The following SLC25A21 variants were observed in gnomAD, a reference collection of about 807,000 sequenced individuals.
SLC25A21 encodes mitochondrial 2-oxodicarboxylate carrier.
A neutral mutation model predicts 43.8 loss-of-function variants in SLC25A21; 47 were observed. That is an observed-to-expected ratio of 1.07 (90% CI 0.85 to 1.37). SLC25A21 has a LOEUF of 1.37. SLC25A21 is among the 40% of genes most tolerant of loss of function. SLC25A21 has a pLI of 0.00. For synonymous variants in SLC25A21, 131 were observed against 121.3 expected, an observed-to-expected ratio of 1.08 and a Z score of -0.52; for missense variants, 352 against 350.2, an observed-to-expected ratio of 1.00 and a Z score of -0.04.
At chr14:36,782,511 T>A (rs572958535) in intron 3 of SLC25A21, among the ~76,000 whole-genome samples, 11 of 152,330 alleles carry the variant, frequency 7.2e-5, no homozygotes, top group African/African-American at 2.6e-4. Flanking sequence ...CTGGTATTGC[T>A]ATCTTTGCAT....
At chr14:36,891,468 A>G (rs1389155883) in intron 1 of SLC25A21, among the ~76,000 whole-genome samples, 2 of 152,146 alleles carry the variant, frequency 1.3e-5, no homozygotes, top group African/African-American at 4.8e-5. Context: ...CATTTCTATT[A>G]TAACTCTGAT....
chr14:37,063,843 A>T (rs1217785280), intron 1 of SLC25A21, among the ~76,000 whole-genome samples: 2 of 152,174 alleles, frequency 1.3e-5, no homozygotes, highest in Non-Finnish European at 2.9e-5. Flanking sequence ...AAAACACAAA[A>T]TGATCCCACA....
At chr14:37,080,008 C>A (rs1390796333) in intron 1 of SLC25A21, among the ~76,000 whole-genome samples, 1 of 152,130 alleles carries the variant, frequency 6.6e-6, no homozygotes, top group Admixed American at 6.5e-5. Context: ...CTAGAAGCTG[C>A]CATCTATTAG....
intron 1 of SLC25A21, among the ~76,000 whole-genome samples, chr14:37,154,086 C>T (rs1963805269): frequency 6.6e-6 from 1 of 152,102 alleles, no homozygotes; most frequent in Non-Finnish European, 1.5e-5. Context: ...CCTCTAGTAA[C>T]CACAAGTACA....
At chr14:37,007,978 G>A (rs1156293974) in intron 1 of SLC25A21, among the ~76,000 whole-genome samples, 3 of 150,820 alleles carry the variant, frequency 2.0e-5, no homozygotes, top group Non-Finnish European at 4.4e-5. Context: ...AGGTTCAAGC[G>A]ATTCTCCTGC....
chr14:36,813,077 A>C (rs1397089184), intron 3 of SLC25A21, among the ~76,000 whole-genome samples: 2 of 152,138 alleles, frequency 1.3e-5, no homozygotes, highest in East Asian at 3.8e-4. Context: ...ATAGTTAAAA[A>C]AATTTTTTTT....
chr14:36,931,749 CATGG>C (rs1892299716), intron 1 of SLC25A21, among the ~76,000 whole-genome samples: 1 of 88,642 alleles, frequency 1.1e-5, no homozygotes, highest in African/African-American at 4.2e-5. Context: ...GGAGTTAGAA[CATGG>C]AGTTAGAATA....
chr14:37,079,357 C>A lies in SLC25A21; in HGVS notation c.70+92924G>T, dbSNP rs74243657. Among the ~76,000 whole-genome samples, 2,751 of 152,250 alleles carry A rather than the reference C, an allele frequency of 0.018. 198 individuals are homozygous for A. In the East Asian group the frequency reaches 0.26, roughly 14 times the overall value. On this transcript the variant is annotated intron_variant, in intron 1 of 9. Coordinates refer to ENST00000331299, the MANE Select transcript of SLC25A21 (RefSeq NM_030631.4). ...CTCTCACCCCCACCCCCAAGGTTTT[C>A]CCTAATGCTCCTTGTCTTTGGTGTC...
intron 3 of SLC25A21, among the ~76,000 whole-genome samples, chr14:36,741,496 A>T (rs996798503): frequency 6.6e-6 from 1 of 152,180 alleles, no homozygotes; most frequent in Non-Finnish European, 1.5e-5. Flanking sequence ...TTTGCTGCTC[A>T]TGGAAGCTGG....
intron 1 of SLC25A21, among the ~76,000 whole-genome samples, chr14:37,116,177 T>C (rs1321196039): frequency 6.6e-6 from 1 of 152,114 alleles, no homozygotes; most frequent in Non-Finnish European, 1.5e-5. Context: ...ATACATGTTA[T>C]ATGTAAGACA....
chr14:37,138,701 A>ATTAT (rs1202205416), intron 1 of SLC25A21, among the ~76,000 whole-genome samples: 1 of 152,058 alleles, frequency 6.6e-6, no homozygotes, highest in Non-Finnish European at 1.5e-5. Context: ...AATGTTAAAT[A>ATTAT]TTATTTATGA....
intron 3 of SLC25A21, among the ~76,000 whole-genome samples, chr14:36,774,120 T>C (rs1372997036): frequency 6.6e-6 from 1 of 152,220 alleles, no homozygotes; most frequent in Non-Finnish European, 1.5e-5. Flanking sequence ...ACGTCCCCTT[T>C]TACCATTTAT....
chr14:37,171,029 C>G (rs1964116401), intron 1 of SLC25A21, among the ~76,000 whole-genome samples: 1 of 149,070 alleles, frequency 6.7e-6, no homozygotes, highest in Admixed American at 6.8e-5. Context: ...GTTGGAGCAG[C>G]GAGCCGAGAT....
Position 36,678,323 on chromosome 14 carries a change from G to C in SLC25A21, c.*2335C>G, listed in dbSNP as rs1882005548. On this transcript the variant is annotated 3_prime_UTR_variant, in exon 10 of 10. Coordinates refer to ENST00000331299, the MANE Select transcript of SLC25A21 (RefSeq NM_030631.4). ...TTTCAGACAGCAGATATCTTATAGA[G>C]AGCTTTGAACTGCATTTATTTCTAA... The C allele has an allele frequency of 1.6e-6, 1 of 619,420 alleles. No homozygotes were observed. The highest frequency in any genetic ancestry group is 2.7e-5 in the East Asian group (1 of 36,398). 38.4% of individuals were successfully genotyped at this position (619,420 alleles called of 1,614,324 possible).
intron 1 of SLC25A21, among the ~76,000 whole-genome samples, chr14:36,890,674 T>C (rs1012535228): frequency 7.2e-5 from 11 of 152,118 alleles, no homozygotes; most frequent in African/African-American, 2.7e-4. Context: ...GTCAAATAAA[T>C]AAAAGTTTGA....
intron 1 of SLC25A21, among the ~76,000 whole-genome samples, chr14:36,923,194 TA>T (rs1347947662): frequency 1.3e-5 from 2 of 152,102 alleles, no homozygotes; most frequent in African/African-American, 4.8e-5. Context: ...AAAGCAATGA[TA>T]AAGAGAAAAT....
intron 1 of SLC25A21, among the ~76,000 whole-genome samples, chr14:37,047,759 T>C (rs1187882930): frequency 6.6e-6 from 1 of 152,224 alleles, no homozygotes; most frequent in Non-Finnish European, 1.5e-5. Flanking sequence ...TATACCCACA[T>C]GTTGTGACAG....
At chr14:36,898,245 C>A (rs975229929) in intron 1 of SLC25A21, among the ~76,000 whole-genome samples, 3 of 152,178 alleles carry the variant, frequency 2.0e-5, no homozygotes, top group African/African-American at 7.2e-5. Flanking sequence ...AGGCGCCCCT[C>A]CCCCAGCCTC....
intron 1 of SLC25A21, among the ~76,000 whole-genome samples, chr14:37,017,632 A>G (rs1262009782): frequency 1.3e-5 from 2 of 152,094 alleles, no homozygotes; most frequent in Admixed American, 6.6e-5. Context: ...CATTAGTAAA[A>G]AAACGCAGTA....
Sources: gnomAD v4.1 joint callset for allele counts (sites outside exome capture counted in the v4.1 genomes callset) on GRCh38, gnomAD v4.1.1 for gene constraint, MANE v1.5 for transcripts, NCBI Gene and HGNC (gene_info 2026-07-23, HGNC 2026-07-21) for gene names.